Variants in SLC2A5 observed in about 807,000 individuals in gnomAD.
SLC2A5 encodes the protein solute carrier family 2, facilitated glucose transporter member 5.
A neutral mutation model predicts 50.3 loss-of-function variants in SLC2A5; 56 were observed. The ratio of observed to expected loss-of-function variants is 1.11; its 90% confidence interval spans 0.90 to 1.39. SLC2A5 has a LOEUF of 1.39. Ranked by LOEUF, SLC2A5 falls within the 40% of genes most tolerant of loss-of-function variation. The probability of loss-of-function intolerance (pLI) is 0.00; values close to 1 mark genes in which losing one functional copy is unlikely to be tolerated. For synonymous variants in SLC2A5, 269 were observed against 281.9 expected (o/e 0.95, Z 0.46); for missense variants, 566 against 650.1 (o/e 0.87, Z 1.41).
Position 9,057,576 on chromosome 1 carries a change from A to G in SLC2A5, c.165T>C (p.Tyr55=), listed in dbSNP as rs1441397353. The G allele has an allele frequency of 1.9e-6, 3 of 1,613,358 alleles. No individual in the cohort carries two copies. Among genetic ancestry groups the G allele is most frequent in the African/African-American group, 2.7e-5 (2 of 74,900 alleles). The change falls in exon 3 of 12, where the codon TAT becomes TAC. Residue 55 remains tyrosine (Y), a synonymous_variant. Transcript: ENST00000377424. ...CTTCCATGAATTCACCGGTCCTACC[A>G]TAGTAAGTCTCATTGTAAAATTGTT... ...LMQQFYNETY[Y]GRTGEFMEDF...
intron 4 of SLC2A5, among the ~76,000 whole-genome samples, chr1:9,046,665 CGTGTGTGT>C (rs55827239): frequency 0.047 from 6,960 of 147,304 alleles, 168 homozygotes; most frequent in Middle Eastern, 0.15. Flanking sequence ...ACCTGGTTCT[CGTGTGTGT>C]GTGTGTGTGT....
chr1:9,072,949 G>A (rs1172427871), upstream of SLC2A5: 6 of 151,690 alleles, frequency 4.0e-5, no homozygotes, highest in Middle Eastern at 3.4e-3. Flanking sequence ...GTGACAGAGC[G>A]AGACTCTTGT....
At chr1:9,074,700 G>C (rs925747730) in intron 2 of SLC2A5, among the ~76,000 whole-genome samples, 1 of 152,010 alleles carries the variant, frequency 6.6e-6, no homozygotes, top group Non-Finnish European at 1.5e-5. Context: ...AGACCTTAAA[G>C]AGAAAACGCT....
chr1:9,038,635 G>A (rs1212626812), intron 9 of SLC2A5, 129 bp from the exon 10 acceptor site: 3 of 1,235,550 alleles, frequency 2.4e-6, no homozygotes, highest in Admixed American at 4.3e-5. Context: ...ACCTCGATGA[G>A]CCACTGGGAA....
chr1:9,041,503 T>TG, intron 5 of SLC2A5: 1 of 1,331,200 alleles, frequency 7.5e-7, no homozygotes, highest in Non-Finnish European at 9.6e-7. Flanking sequence ...GGCCTCCATA[T>TG]GGACAGCTGC....
At chr1:9,049,541 A>G (rs1641518292) in intron 3 of SLC2A5, among the ~76,000 whole-genome samples, 1 of 151,852 alleles carries the variant, frequency 6.6e-6, no homozygotes, top group Non-Finnish European at 1.5e-5. Context: ...CCTGGTCAGC[A>G]TGGTGAAACC....
intron 3 of SLC2A5, among the ~76,000 whole-genome samples, chr1:9,056,963 C>T (rs2124401893): frequency 6.6e-6 from 1 of 152,314 alleles, no homozygotes; most frequent in African/African-American, 2.4e-5. Context: ...CAAACACTGT[C>T]AATGTCTGAT....
At chr1:9,055,943 C>A (rs1205822799) in intron 3 of SLC2A5, among the ~76,000 whole-genome samples, 3 of 152,086 alleles carry the variant, frequency 2.0e-5, no homozygotes, top group African/African-American at 4.8e-5. Flanking sequence ...ATAACACCCA[C>A]AAATACTTAA....
chr1:9,087,844 T>TTC (rs893065909), intron 1 of SLC2A5, among the ~76,000 whole-genome samples: 2 of 151,446 alleles, frequency 1.3e-5, no homozygotes, highest in South Asian at 2.1e-4. Context: ...TTCCTTCCTC[T>TTC]TCTCTCTCTC....
At position 9,057,459 on chromosome 1, in the gene SLC2A5, A is replaced by G. The variant is rs777881034; in HGVS notation, c.282T>C (p.Asn94=). The G allele has an allele frequency of 6.2e-7, 1 of 1,608,778 alleles. No individual in the cohort carries two copies. The highest frequency in any genetic ancestry group is 8.5e-7 in the Non-Finnish European group (1 of 1,177,914). Residue 94 remains asparagine (N), a synonymous_variant, in exon 3 of 12, where the codon AAT becomes AAC. Coordinates refer to ENST00000377424, the MANE Select transcript of SLC2A5 (RefSeq NM_003039.3). ...TCACCTTCCCTTACCTGCCAAATTT[A>G]TTCACCAAGGGGCCGACCAGGAGGG... ...IGSLLVGPLV[N]KFGRKGALLF...
chr1:9,063,993 C>CTA (rs112794739), intron 1 of SLC2A5, among the ~76,000 whole-genome samples: 2 of 130,450 alleles, frequency 1.5e-5, no homozygotes, highest in African/African-American at 6.8e-5. Context: ...CCGCGCCCGG[C>CTA]CTATTTACAT....
At chr1:9,041,322 C>T (rs1641296534) in intron 5 of SLC2A5, 1 of 502,524 alleles carries the variant, frequency 2.0e-6, no homozygotes, top group Non-Finnish European at 3.1e-6. Flanking sequence ...TCACCACCTC[C>T]CCCATGGGGC....
Position 9,042,615 on chromosome 1 carries a change from G to A in SLC2A5, c.419-678C>T, listed in dbSNP as rs115997381. ...CCTCTGTGTGTGTGTGTGTGTGTAT[G>A]TGTATATATATGTGTGTGTGTGGGT... On this transcript the variant is annotated intron_variant, in intron 4 of 11. Coordinates refer to ENST00000377424, the MANE Select transcript of SLC2A5 (RefSeq NM_003039.3). Among the ~76,000 whole-genome samples the A allele has an allele frequency of 8.1e-3, 1,199 of 147,524 alleles. 17 individuals are homozygous for A. The highest frequency in any genetic ancestry group is 0.028 in the African/African-American group (1,112 of 39,748).
Position 9,036,360 on chromosome 1 carries a change from G to A in SLC2A5, c.*1226C>T, listed in dbSNP as rs1011785882. 1 of 152,066 alleles carries A rather than the reference G, an allele frequency of 6.6e-6. No individual in the cohort carries two copies. The highest frequency in any genetic ancestry group is 6.6e-5 in the Admixed American group (1 of 15,246). 9.4% of individuals were successfully genotyped at this position (152,066 alleles called of 1,614,324 possible). A position where few individuals can be genotyped will look rare whatever the true frequency, so the allele number is the denominator to read the frequency against. On this transcript the variant is annotated 3_prime_UTR_variant, in exon 12 of 12. Coordinates refer to ENST00000377424, the MANE Select transcript of SLC2A5 (RefSeq NM_003039.3). ...AATTAAAAAAATTTTTTTTGAGATG[G>A]GATCTCACTGTGTTGCCCAGGCTGG...
At chr1:9,039,445 C>A in intron 8 of SLC2A5, 107 bp downstream of exon 8, 1 of 751,694 alleles carries the variant, frequency 1.3e-6, no homozygotes. Context: ...AGCGGCTGGT[C>A]CTCCACGTTT....
At chr1:9,087,306 G>A (rs1178322069) in intron 1 of SLC2A5, among the ~76,000 whole-genome samples, 8 of 151,362 alleles carry the variant, frequency 5.3e-5, no homozygotes, top group African/African-American at 1.5e-4. Context: ...CCGGGTTCTC[G>A]CCATTCTCCT....
chr1:9,041,384 A>T (rs1244397513), intron 5 of SLC2A5: 2 of 960,874 alleles, frequency 2.1e-6, no homozygotes, highest in Non-Finnish European at 1.4e-6. Flanking sequence ...AAATGGGATA[A>T]TCACTGAGTC....
At chr1:9,054,093 G>C (rs1348896133) in intron 3 of SLC2A5, among the ~76,000 whole-genome samples, 1 of 152,028 alleles carries the variant, frequency 6.6e-6, no homozygotes, top group Non-Finnish European at 1.5e-5. Flanking sequence ...GAAAGCACCC[G>C]AGAGAGGTAA....
rs964125713 is a variant in SLC2A5, at chr1:9,047,729, C to A, written c.299G>T (p.Gly100Val). ...GPLVNKFGRKGALLFNNIFSI... is the reference protein window; with the variant it reads ...GPLVNKFGRKVALLFNNIFSI... Reference sequence around the variant, plus strand: ...AAATATGTTGTTGAACAGCAAGGCCCCTTTTCTGCAGAGGACAAAATATCA... The same window carrying A: ...AAATATGTTGTTGAACAGCAAGGCCACTTTTCTGCAGAGGACAAAATATCA... Residue 100 changes from glycine (G) to valine (V), a missense_variant, in exon 4 of 12, where the codon GGG (glycine) becomes GTG (valine). Coordinates refer to ENST00000377424, the MANE Select transcript of SLC2A5 (RefSeq NM_003039.3). 6.2e-7 allele frequency: 1 copy of A among 1,613,502 alleles called. No individual in the cohort carries two copies. Among genetic ancestry groups the A allele is most frequent in the Non-Finnish European group, 8.5e-7 (1 of 1,179,734 alleles).
Sources: allele counts gnomAD v4.1 joint callset (sites outside exome capture counted in the v4.1 genomes callset), GRCh38; gene constraint gnomAD v4.1.1; transcripts MANE v1.5; gene names NCBI Gene and HGNC (gene_info 2026-07-23, HGNC 2026-07-21).